Variants in RSPO3 observed in about 807,000 individuals in gnomAD.
RSPO3 encodes the protein R-spondin-3.
In RSPO3, 17 loss-of-function variants were observed where a neutral mutation model predicts 36.5. The ratio of observed to expected loss-of-function variants is 0.47; its 90% CI spans 0.32 to 0.70. The LOEUF is 0.70. Among genes scored for constraint, RSPO3 ranks in the 30% least tolerant of loss-of-function variants. RSPO3 has a pLI of 0.04. For missense variants in RSPO3, 294 were observed against 322.5 expected (o/e 0.91, Z 0.68); for synonymous variants, 108 against 107.0 (o/e 1.01, Z -0.06).
intron 3 of RSPO3, 46 bp downstream of exon 3, chr6:127,150,618 C>A (rs906240622): frequency 4.5e-6 from 7 of 1,547,814 alleles, no homozygotes. Context: ...ATGTCAGTCT[C>A]CATGGAGGTG....
Position 127,196,177 on chromosome 6 carries a change from A to G in RSPO3, c.*170A>G, listed in dbSNP as rs1775511991. On this transcript the variant is annotated 3_prime_UTR_variant, in exon 5 of 5. Transcript: ENST00000356698. ...CATACAAGCATAGTTAACAACAAAG[A>G]GCCAAAAGATCAAAGAAGGGATACT... 8.9e-6 allele frequency: 4 copies of G among 450,780 alleles called. No individual in the cohort carries two copies. The highest frequency in any genetic ancestry group is 1.1e-5 in the Non-Finnish European group (3 of 264,584). The allele number at this position is 450,780 out of a possible 1,614,324, so 27.9% of individuals were successfully genotyped here.
At chr6:127,151,842 T>C (rs1774496816) in intron 3 of RSPO3, among the ~76,000 whole-genome samples, 2 of 152,042 alleles carry the variant, frequency 1.3e-5, no homozygotes, top group African/African-American at 4.8e-5. Flanking sequence ...TCAAGTTCTT[T>C]TTCTTATAGG....
intron 4 of RSPO3, among the ~76,000 whole-genome samples, chr6:127,180,492 A>AC (rs1775160652): frequency 3.4e-5 from 5 of 145,534 alleles, no homozygotes; most frequent in East Asian, 2.0e-4. Flanking sequence ...GAAAACAAAA[A>AC]AAAAAAAAAA....
Position 127,196,439 on chromosome 6 carries a change from T to G in RSPO3, c.*432T>G, listed in dbSNP as rs1282150040. ...AGGAGTTCAGGGAAGAGAAACATCC[T>G]TCAAAGGACAGTGTTGTTTTGACCG... On this transcript the variant is annotated 3_prime_UTR_variant, in exon 5 of 5. Transcript: ENST00000356698. The G allele has an allele frequency of 6.6e-6, 1 of 152,372 alleles. No homozygotes were observed. Among genetic ancestry groups the G allele is most frequent in the Admixed American group, 6.5e-5 (1 of 15,278 alleles). The allele number at this position is 152,372 out of a possible 1,614,324, so 9.4% of individuals were successfully genotyped here. A position where few individuals can be genotyped will look rare whatever the true frequency, so the allele number is the denominator to read the frequency against.
Position 127,197,468 on chromosome 6 carries a change from C to G in RSPO3, c.*1461C>G. Reference sequence around the variant, plus strand: ...AGCTGAAGGCCTCACCAGTGTTTCACAGAGGACACAGCCCACCCCTTGCAG... The same window carrying G: ...AGCTGAAGGCCTCACCAGTGTTTCAGAGAGGACACAGCCCACCCCTTGCAG... On this transcript the variant is annotated 3_prime_UTR_variant, in exon 5 of 5. Coordinates refer to ENST00000356698, the MANE Select transcript of RSPO3 (RefSeq NM_032784.5). 12 of 1,550,592 alleles carry G rather than the reference C, an allele frequency of 7.7e-6. No individual in the cohort carries two copies. Among genetic ancestry groups the G allele is most frequent in the Non-Finnish European group, 1.0e-5 (12 of 1,146,968 alleles).
At chr6:127,125,258 G>A (rs1003103402) in intron 1 of RSPO3, among the ~76,000 whole-genome samples, 2 of 152,022 alleles carry the variant, frequency 1.3e-5, no homozygotes, top group Non-Finnish European at 2.9e-5. Context: ...TCAAAACACC[G>A]CCTTATTAAT....
At chr6:127,168,125 G>A (rs1774859146) in intron 4 of RSPO3, among the ~76,000 whole-genome samples, 1 of 152,074 alleles carries the variant, frequency 6.6e-6, no homozygotes, top group South Asian at 2.1e-4. Context: ...CCCAGTAATG[G>A]GATGGCTGGG....
At chr6:127,151,791 A>T (rs1774495610) in intron 3 of RSPO3, among the ~76,000 whole-genome samples, 1 of 152,110 alleles carries the variant, frequency 6.6e-6, no homozygotes, top group Non-Finnish European at 1.5e-5. Flanking sequence ...TGGAAAAAAA[A>T]GCAACTTAGG....
At chr6:127,143,001 T>A (rs1774310662) in intron 1 of RSPO3, among the ~76,000 whole-genome samples, 1 of 150,308 alleles carries the variant, frequency 6.7e-6, no homozygotes, top group Non-Finnish European at 1.5e-5. Context: ...TTTTTTTTGG[T>A]AGAAACAGGG....
intron 1 of RSPO3, among the ~76,000 whole-genome samples, chr6:127,120,863 C>A: frequency 6.6e-6 from 1 of 152,268 alleles, no homozygotes; most frequent in Non-Finnish European, 1.5e-5. Context: ...GGTGTGTACT[C>A]TGGTAACTCC....
intron 4 of RSPO3, among the ~76,000 whole-genome samples, chr6:127,176,698 G>T (rs943678433): frequency 6.6e-6 from 1 of 151,670 alleles, no homozygotes; most frequent in African/African-American, 2.4e-5. Context: ...CAATGAAAAA[G>T]CTCAAGATAC....
At position 127,155,412 on chromosome 6, in the gene RSPO3, G is replaced by A. The variant is rs748493419; in HGVS notation, c.608G>A (p.Arg203Lys). The change falls in exon 4 of 5, where the codon AGG (arginine) becomes AAG (lysine). Residue 203 changes from arginine (R) to lysine (K), a missense_variant. Coordinates refer to ENST00000356698, the MANE Select transcript of RSPO3 (RefSeq NM_032784.5). Reference sequence around the variant, plus strand: ...GAGACAAGAAAGTGTACAGTGCAAAGGAAGAAGTGTCAGAAGGGAGAACGA... The same window carrying A: ...GAGACAAGAAAGTGTACAGTGCAAAAGAAGAAGTGTCAGAAGGGAGAACGA... ...TNETRKCTVQ[R>K]KKCQKGERGK... 1 of 1,613,670 alleles carries A rather than the reference G, an allele frequency of 6.2e-7. No homozygotes were observed. The highest frequency in any genetic ancestry group is 1.1e-5 in the South Asian group (1 of 91,076).
At chr6:127,164,444 G>GT (rs1448577443) in intron 4 of RSPO3, among the ~76,000 whole-genome samples, 1 of 151,962 alleles carries the variant, frequency 6.6e-6, no homozygotes, top group Non-Finnish European at 1.5e-5. Flanking sequence ...AGTAACCAAA[G>GT]TTTTTTCTGT....
intron 4 of RSPO3, among the ~76,000 whole-genome samples, chr6:127,191,858 C>A (rs1210018868): frequency 6.6e-6 from 1 of 152,230 alleles, no homozygotes; most frequent in African/African-American, 2.4e-5. Context: ...GTCCTCAGGA[C>A]AAACTCCCAA....
chr6:127,189,951 G>A (rs1775374048), intron 4 of RSPO3, among the ~76,000 whole-genome samples: 1 of 151,992 alleles, frequency 6.6e-6, no homozygotes, highest in Admixed American at 6.6e-5. Context: ...GTTAAATTTA[G>A]AGCAAGAAGA....
Position 127,131,499 on chromosome 6 carries a change from A to T in RSPO3, c.97+12210A>T, listed in dbSNP as rs555595214. On this transcript the variant is annotated intron_variant, in intron 1 of 4. Coordinates refer to ENST00000356698, the MANE Select transcript of RSPO3 (RefSeq NM_032784.5). ...GCTGAAGTGCTCTAGGTCATCAGAT[A>T]AGAACACATTCAAATGAAAATTGCC... Among the ~76,000 whole-genome samples the T allele has an allele frequency of 3.3e-5, 5 of 152,256 alleles. No individual in the cohort carries two copies. The South Asian group carries it at 1.0e-3, about 32-fold the overall frequency.
chr6:127,126,863 C>T (rs1173010489), intron 1 of RSPO3, among the ~76,000 whole-genome samples: 1 of 152,036 alleles, frequency 6.6e-6, no homozygotes, highest in Admixed American at 6.6e-5. Context: ...CAGTCAGCCC[C>T]CTAAGCTCTC....
chr6:127,118,876 C>A lies in RSPO3; in HGVS notation c.-317C>A. The stretch of plus-strand genomic sequence containing the variant: ...CGCTCGCCCGCCCGGATCCCGCCTG[C>A]GGCAGTTGCCGCACAACATGCTACC... On this transcript the variant is annotated 5_prime_UTR_variant, in exon 1 of 5. Coordinates refer to ENST00000356698, the MANE Select transcript of RSPO3 (RefSeq NM_032784.5). The A allele has an allele frequency of 5.4e-6, 1 of 183,760 alleles. No individual in the cohort carries two copies. The highest frequency in any genetic ancestry group is 1.1e-5 in the Non-Finnish European group (1 of 89,300). The allele number at this position is 183,760 out of a possible 1,614,324, so 11.4% of individuals were successfully genotyped here.
At chr6:127,175,094 A>G (rs952303820) in intron 4 of RSPO3, among the ~76,000 whole-genome samples, 2 of 151,810 alleles carry the variant, frequency 1.3e-5, no homozygotes, top group Non-Finnish European at 2.9e-5. Flanking sequence ...GATTTTCCCC[A>G]GCTTATCAAA....
Sources: gnomAD v4.1 joint callset for allele counts (sites outside exome capture counted in the v4.1 genomes callset) on GRCh38, gnomAD v4.1.1 for gene constraint, MANE v1.5 for transcripts, NCBI Gene and HGNC (gene_info 2026-07-23, HGNC 2026-07-21) for gene names.